Variants in IPCEF1 observed in about 807,000 individuals in gnomAD.
The protein encoded by IPCEF1 is interaction protein for cytohesin exchange factors 1.
Under a neutral mutation model 50.9 loss-of-function variants are expected in IPCEF1, and 31 were observed. That is an observed-to-expected ratio of 0.61 (90% CI 0.46 to 0.82). IPCEF1 has a LOEUF of 0.82. Among genes scored for constraint, IPCEF1 ranks in the 40% least tolerant of loss-of-function variants. The pLI, the probability that IPCEF1 is intolerant of heterozygous loss-of-function variation, is 0.00. For synonymous variants in IPCEF1, 181 were observed against 192.0 expected (o/e 0.94, Z 0.47); for missense variants, 458 against 514.0 (o/e 0.89, Z 1.05).
At chr6:154,284,488 G>A (rs1375785291) in intron 2 of IPCEF1, among the ~76,000 whole-genome samples, 3 of 152,182 alleles carry the variant, frequency 2.0e-5, no homozygotes, top group Non-Finnish European at 2.9e-5. Context: ...TCTGACCAAT[G>A]GGGACTGGGC....
At chr6:154,163,549 A>T (rs1799193312) in intron 11 of IPCEF1, among the ~76,000 whole-genome samples, 1 of 152,176 alleles carries the variant, frequency 6.6e-6, no homozygotes, top group South Asian at 2.1e-4. Flanking sequence ...TCCTACTAAA[A>T]CATAAGCTTC....
chr6:154,345,977 C>T (rs1227956829), intron 1 of IPCEF1, among the ~76,000 whole-genome samples: 2 of 152,080 alleles, frequency 1.3e-5, no homozygotes, highest in Non-Finnish European at 2.9e-5. Context: ...GCAATCTTCC[C>T]GCTTCAGCCT....
chr6:154,323,707 C>CT (rs35626645), intron 1 of IPCEF1, among the ~76,000 whole-genome samples: 1 of 152,170 alleles, frequency 6.6e-6, no homozygotes, highest in African/African-American at 2.4e-5. Context: ...AATCCCAACA[C>CT]TTTGGGAGGC....
chr6:154,269,106 T>C (rs1393992101), intron 2 of IPCEF1, among the ~76,000 whole-genome samples: 1 of 152,208 alleles, frequency 6.6e-6, no homozygotes, highest in African/African-American at 2.4e-5. Context: ...CCTCAGTCTC[T>C]GTAGGCAGGG....
At chr6:154,331,391 G>GAA (rs879473960) in intron 1 of IPCEF1, among the ~76,000 whole-genome samples, 3 of 130,952 alleles carry the variant, frequency 2.3e-5, no homozygotes, top group African/African-American at 8.3e-5. Flanking sequence ...AAGAAAGAAA[G>GAA]AAAGAAAGAA....
chr6:154,265,040 TA>T (rs1196931216), intron 3 of IPCEF1, among the ~76,000 whole-genome samples: 6 of 152,172 alleles, frequency 3.9e-5, no homozygotes, highest in African/African-American at 1.4e-4. Context: ...CTCTGACCTA[TA>T]CATCCATCAT....
intron 1 of IPCEF1, among the ~76,000 whole-genome samples, chr6:154,353,075 TTC>T (rs1440487636): frequency 6.6e-6 from 1 of 152,206 alleles, no homozygotes; most frequent in Admixed American, 6.5e-5. Context: ...CGTTTCCTTT[TTC>T]TCACTTCAGA....
intron 3 of IPCEF1, among the ~76,000 whole-genome samples, chr6:154,255,087 A>C (rs1781430181): frequency 6.6e-6 from 1 of 152,072 alleles, no homozygotes; most frequent in South Asian, 2.1e-4. Context: ...CTTAATCATA[A>C]ATTTATTATG....
At chr6:154,287,659 T>C (rs1762358507) in intron 2 of IPCEF1, among the ~76,000 whole-genome samples, 1 of 152,208 alleles carries the variant, frequency 6.6e-6, no homozygotes, top group African/African-American at 2.4e-5. Flanking sequence ...CAAGAGACTA[T>C]AAAGTTCATC....
intron 10 of IPCEF1, among the ~76,000 whole-genome samples, chr6:154,175,033 C>T (rs1010960466): frequency 2.0e-5 from 3 of 152,198 alleles, no homozygotes; most frequent in Non-Finnish European, 4.4e-5. Flanking sequence ...CCAAACTGCA[C>T]AACTACATGG....
intron 1 of IPCEF1, among the ~76,000 whole-genome samples, chr6:154,290,265 G>A (rs1782479993): frequency 6.6e-6 from 1 of 152,172 alleles, no homozygotes; most frequent in Non-Finnish European, 1.5e-5. Flanking sequence ...TGCAACTTCA[G>A]CAAACACACT....
At chr6:154,224,525 C>T (rs144965970) in intron 5 of IPCEF1, among the ~76,000 whole-genome samples, 193 of 152,106 alleles carry the variant, frequency 1.3e-3, no homozygotes, top group African/African-American at 4.2e-3. Context: ...CCAGCCAACA[C>T]GGTGAAACCC....
intron 5 of IPCEF1, among the ~76,000 whole-genome samples, chr6:154,232,969 C>CT (rs780567029): frequency 0.023 from 3,127 of 134,540 alleles, 68 homozygotes; most frequent in Admixed American, 0.055. Context: ...TTTTTCTTTT[C>CT]TTTTTTTTTT....
intron 10 of IPCEF1, among the ~76,000 whole-genome samples, chr6:154,193,017 GAT>G (rs1802065242): frequency 6.6e-6 from 1 of 152,098 alleles, no homozygotes; most frequent in African/African-American, 2.4e-5. Flanking sequence ...CCCACTACTG[GAT>G]ATCTACTCAC....
intron 2 of IPCEF1, among the ~76,000 whole-genome samples, chr6:154,266,303 T>C (rs1424029538): frequency 6.6e-6 from 1 of 152,032 alleles, no homozygotes; most frequent in African/African-American, 2.4e-5. Context: ...GAGGATTGCT[T>C]GAGCCCAGGA....
At chr6:154,338,917 G>A (rs529179209) in intron 1 of IPCEF1, among the ~76,000 whole-genome samples, 1 of 152,132 alleles carries the variant, frequency 6.6e-6, no homozygotes, top group East Asian at 1.9e-4. Flanking sequence ...CAGCCCGAGT[G>A]ACACAGCAAA....
At position 154,315,247 on chromosome 6, in the gene IPCEF1, G is replaced by A. The variant is rs147721081; in HGVS notation, c.-61-25491C>T. On this transcript the variant is annotated intron_variant, in intron 1 of 11. Coordinates refer to ENST00000367220, the MANE Select transcript of IPCEF1 (RefSeq NM_001130700.2). ...AGACTAAAAGTCCTGGGAGAACATG[G>A]ACAGTGAATATTTTTGCTCACTCAT... 3.1e-3 allele frequency among the ~76,000 whole-genome samples: 465 copies of A among 152,276 alleles called. 1 individual carries two copies. Among genetic ancestry groups the A allele is most frequent in the Non-Finnish European group, 4.1e-3 (280 of 68,020 alleles).
chr6:154,212,717 T>G, intron 9 of IPCEF1, 53 bp downstream of exon 9: 2 of 1,187,368 alleles, frequency 1.7e-6, no homozygotes, highest in Non-Finnish European at 2.5e-6. Flanking sequence ...TTGGAAGAAA[T>G]GACATCCACA....
chr6:154,204,241 T>C (rs576191452), intron 9 of IPCEF1, among the ~76,000 whole-genome samples: 7 of 152,300 alleles, frequency 4.6e-5, no homozygotes, highest in Non-Finnish European at 7.4e-5. Context: ...TTCTTGGAAT[T>C]GTTTTTCAAA....
Sources: allele counts gnomAD v4.1 joint callset (sites outside exome capture counted in the v4.1 genomes callset), GRCh38; gene constraint gnomAD v4.1.1; transcripts MANE v1.5; gene names NCBI Gene and HGNC (gene_info 2026-07-23, HGNC 2026-07-21).